The following ATG7 variants were observed in gnomAD, a reference collection of about 807,000 sequenced individuals.
ATG7 encodes the protein ubiquitin-like modifier-activating enzyme ATG7.
Under a neutral mutation model 82.4 loss-of-function variants are expected in ATG7, and 70 were observed. The ratio of observed to expected loss-of-function variants is 0.85; its 90% CI spans 0.70 to 1.04. The LOEUF is 1.04. Ranked by LOEUF, ATG7 falls within the 50% of genes least tolerant of loss-of-function variation. ATG7 has a pLI of 0.00. For missense variants in ATG7, 792 were observed against 864.3 expected, an observed-to-expected ratio of 0.92 and a Z score of 1.05; for synonymous variants, 287 against 313.0, an observed-to-expected ratio of 0.92 and a Z score of 0.88.
At chr3:11,563,892 C>A in the ATG7 span, among the ~76,000 whole-genome samples, 6 of 152,178 alleles carry the variant, frequency 3.9e-5, no homozygotes, top group Admixed American at 3.9e-4. Context: ...CAGGGCCTAC[C>A]CCACCCACAG....
At chr3:11,290,595 C>A in intron 3 of ATG7, 1 of 327,270 alleles carries the variant, frequency 3.1e-6, no homozygotes, top group South Asian at 2.3e-5. Flanking sequence ...ACCAGCCACC[C>A]CCAGGTAGGC....
chr3:11,451,827 GTCTC>G (rs781497495), intron 20 of ATG7, among the ~76,000 whole-genome samples: 3 of 108,252 alleles, frequency 2.8e-5, no homozygotes, highest in African/African-American at 1.0e-4. Flanking sequence ...AGGCTGCCCT[GTCTC>G]TCTCTATCTC....
intron 3 of ATG7, among the ~76,000 whole-genome samples, chr3:11,287,765 T>C (rs1165786331): frequency 1.3e-5 from 2 of 152,272 alleles, no homozygotes; most frequent in African/African-American, 4.8e-5. Flanking sequence ...GGCCAGCAGA[T>C]GTGGCCTTAG....
At chr3:11,525,271 T>A (rs1055227859) in intron 20 of ATG7, among the ~76,000 whole-genome samples, 3 of 151,342 alleles carry the variant, frequency 2.0e-5, no homozygotes, top group Non-Finnish European at 4.4e-5. Context: ...CCTCAGGTGA[T>A]CTACCCGCCT....
At chr3:11,509,296 C>T (rs2091919992) in intron 20 of ATG7, among the ~76,000 whole-genome samples, 1 of 152,196 alleles carries the variant, frequency 6.6e-6, no homozygotes, top group African/African-American at 2.4e-5. Context: ...GTTCCCGGCC[C>T]AGATAACACT....
At chr3:11,505,072 A>G (rs1019877190) in intron 20 of ATG7, among the ~76,000 whole-genome samples, 2 of 152,234 alleles carry the variant, frequency 1.3e-5, no homozygotes, top group African/African-American at 4.8e-5. Flanking sequence ...TAAAAGTATC[A>G]GGTAAGTCTC....
At chr3:11,544,824 C>G (rs2071136008) in intron 20 of ATG7, among the ~76,000 whole-genome samples, 1 of 152,252 alleles carries the variant, frequency 6.6e-6, no homozygotes, top group Non-Finnish European at 1.5e-5. Flanking sequence ...CAAAGCCTCT[C>G]TACTAGACCA....
intron 3 of ATG7, among the ~76,000 whole-genome samples, chr3:11,289,479 A>C (rs1944604304): frequency 5.9e-5 from 9 of 152,226 alleles, no homozygotes; most frequent in Admixed American, 5.9e-4. Context: ...TCAGCCTGTC[A>C]TGGAACGGTT....
chr3:11,398,853 C>CT (rs1274106522), intron 19 of ATG7, among the ~76,000 whole-genome samples: 1 of 152,064 alleles, frequency 6.6e-6, no homozygotes, highest in Non-Finnish European at 1.5e-5. Context: ...TGAGCCCTTG[C>CT]TAAGAAAAGC....
At chr3:11,408,516 T>C (rs2080574386) in intron 19 of ATG7, among the ~76,000 whole-genome samples, 1 of 152,196 alleles carries the variant, frequency 6.6e-6, no homozygotes, top group Non-Finnish European at 1.5e-5. Context: ...GATTAGTACA[T>C]TTTTATGCTG....
chr3:11,313,479 G>C, intron 8 of ATG7, 59 bp downstream of exon 8: 1 of 1,267,642 alleles, frequency 7.9e-7, no homozygotes, highest in Non-Finnish European at 1.1e-6. Context: ...GAGTAGTTAT[G>C]TAGTTCTTTC....
intron 20 of ATG7, among the ~76,000 whole-genome samples, chr3:11,544,963 C>T (rs1029516854): frequency 2.6e-5 from 4 of 152,164 alleles, no homozygotes; most frequent in African/African-American, 9.7e-5. Flanking sequence ...GGTGGGGTCG[C>T]AGGAGGAACC....
At chr3:11,419,968 A>C (rs936916642) in intron 19 of ATG7, among the ~76,000 whole-genome samples, 1 of 152,252 alleles carries the variant, frequency 6.6e-6, no homozygotes, top group African/African-American at 2.4e-5. Flanking sequence ...ACAGCCTTCC[A>C]AAATGTAATG....
chr3:11,434,809 G>A (rs541117679), intron 20 of ATG7, among the ~76,000 whole-genome samples: 36 of 152,286 alleles, frequency 2.4e-4, no homozygotes, highest in African/African-American at 7.7e-4. Context: ...GAAAGAAGGG[G>A]GGAAATCATA....
chr3:11,463,605 C>T (rs1301351496), intron 20 of ATG7, among the ~76,000 whole-genome samples: 1 of 88,988 alleles, frequency 1.1e-5, no homozygotes, highest in African/African-American at 4.7e-5. Flanking sequence ...CATAAACCCA[C>T]CTTGAATTAT....
At chr3:11,553,385 G>A (rs969448341) in intron 20 of ATG7, among the ~76,000 whole-genome samples, 3 of 149,792 alleles carry the variant, frequency 2.0e-5, no homozygotes, top group African/African-American at 7.3e-5. Context: ...ATGTGTGTTC[G>A]TTGAATGGGA....
intron 20 of ATG7, among the ~76,000 whole-genome samples, chr3:11,453,352 C>T (rs112541214): frequency 0.025 from 3,775 of 152,200 alleles, 64 homozygotes; most frequent in Middle Eastern, 0.041. Flanking sequence ...GAGCCATCTT[C>T]ATGAAAGATA....
At chr3:11,383,759 A>G (rs1317944221) in intron 19 of ATG7, among the ~76,000 whole-genome samples, 1 of 152,192 alleles carries the variant, frequency 6.6e-6, no homozygotes, top group Non-Finnish European at 1.5e-5. Flanking sequence ...TATCCTGGAT[A>G]TATTTACTCA....
intron 3 of ATG7, among the ~76,000 whole-genome samples, chr3:11,291,357 T>C (rs1386567977): frequency 6.6e-6 from 1 of 152,202 alleles, no homozygotes; most frequent in African/African-American, 2.4e-5. Flanking sequence ...TTTTAGCATG[T>C]GTGAGGCTGA....
Sources: gnomAD v4.1 joint callset for allele counts (sites outside exome capture counted in the v4.1 genomes callset) on GRCh38, gnomAD v4.1.1 for gene constraint, MANE v1.5 for transcripts, NCBI Gene and HGNC (gene_info 2026-07-23, HGNC 2026-07-21) for gene names.